Variants in PM20D2 observed in about 807,000 individuals in gnomAD.
PM20D2 encodes the protein xaa-Arg dipeptidase.
A neutral mutation model predicts 42.9 loss-of-function variants in PM20D2; 33 were observed. That is an observed-to-expected ratio of 0.77 (90% CI 0.58 to 1.03). PM20D2 has a LOEUF of 1.03. PM20D2 is among the 50% of genes least tolerant of loss of function. The pLI is 0.00. For synonymous variants in PM20D2, 250 were observed against 228.2 expected, an observed-to-expected ratio of 1.10 and a Z score of -0.86; for missense variants, 548 against 557.0, an observed-to-expected ratio of 0.98 and a Z score of 0.16.
the PM20D2 span, among the ~76,000 whole-genome samples, chr6:89,136,699 G>C: frequency 6.6e-6 from 1 of 151,000 alleles, no homozygotes; most frequent in East Asian, 1.9e-4. Context: ...TTTCTAACCA[G>C]ATACACTATA....
intron 1 of PM20D2, 85 bp downstream of exon 1, chr6:89,146,694 C>T: frequency 8.5e-7 from 1 of 1,169,630 alleles, no homozygotes; most frequent in Non-Finnish European, 1.1e-6. Flanking sequence ...GTGCGTCCCG[C>T]GCGCCTCGGT....
chr6:89,161,162 A>T (rs538074091), intron 5 of PM20D2, among the ~76,000 whole-genome samples: 1 of 152,302 alleles, frequency 6.6e-6, no homozygotes, highest in East Asian at 1.9e-4. Context: ...GTGGAGGTAG[A>T]AGAGAAAGAT....
chr6:89,099,538 G>GT, the PM20D2 span, among the ~76,000 whole-genome samples: 83,874 of 126,102 alleles, frequency 0.67, 28,308 homozygotes, highest in East Asian at 0.79. Flanking sequence ...ACACATACAT[G>GT]TTTTTTTTTT....
At chr6:89,094,405 A>T in the PM20D2 span, among the ~76,000 whole-genome samples, 1 of 151,770 alleles carries the variant, frequency 6.6e-6, no homozygotes, top group African/African-American at 2.4e-5. Flanking sequence ...TTTTAAGTAG[A>T]AACGGGATTT....
chr6:89,094,140 C>T, the PM20D2 span, among the ~76,000 whole-genome samples: 2 of 151,694 alleles, frequency 1.3e-5, no homozygotes, highest in Admixed American at 6.6e-5. Flanking sequence ...ATGCTGGTCT[C>T]GAACTCCTGA....
chr6:89,139,957 G>C, the PM20D2 span, among the ~76,000 whole-genome samples: 1 of 152,162 alleles, frequency 6.6e-6, no homozygotes, highest in South Asian at 2.1e-4. Flanking sequence ...CCTCAAGTCT[G>C]GCCTAAAGAT....
At chr6:89,110,264 A>G in the PM20D2 span, among the ~76,000 whole-genome samples, 1 of 152,236 alleles carries the variant, frequency 6.6e-6, no homozygotes, top group Non-Finnish European at 1.5e-5. Flanking sequence ...GAAAAAATGA[A>G]GCAATGAAAG....
At chr6:89,108,025 A>G in the PM20D2 span, among the ~76,000 whole-genome samples, 1 of 152,220 alleles carries the variant, frequency 6.6e-6, no homozygotes, top group Non-Finnish European at 1.5e-5. Flanking sequence ...GATTCTAAAG[A>G]AGTCCTAAAA....
chr6:89,128,884 A>G, the PM20D2 span, among the ~76,000 whole-genome samples: 1 of 152,206 alleles, frequency 6.6e-6, no homozygotes, highest in African/African-American at 2.4e-5. Flanking sequence ...AATGCTCAAT[A>G]TCTATATGTG....
At chr6:89,099,445 T>TATATGTGTGTATATATACACACAC in the PM20D2 span, among the ~76,000 whole-genome samples, 7 of 91,332 alleles carry the variant, frequency 7.7e-5, no homozygotes, top group African/African-American at 2.6e-4. Context: ...TATATACACA[T>TATATGTGTGTATATATACACACAC]ATATATGTGT....
the PM20D2 span, among the ~76,000 whole-genome samples, chr6:89,130,808 GGCT>G: frequency 1.0e-5 from 1 of 99,966 alleles, no homozygotes; most frequent in African/African-American, 4.0e-5. Flanking sequence ...TTTTGTATCT[GGCT>G]TCTTCTTCTT....
chr6:89,131,314 T>C, the PM20D2 span, among the ~76,000 whole-genome samples: 33 of 152,264 alleles, frequency 2.2e-4, no homozygotes, highest in African/African-American at 7.7e-4. Flanking sequence ...GGATTAGATA[T>C]CAGCATAAGT....
At chr6:89,134,105 C>G in the PM20D2 span, among the ~76,000 whole-genome samples, 1 of 151,234 alleles carries the variant, frequency 6.6e-6, no homozygotes, top group South Asian at 2.1e-4. Flanking sequence ...GTTGCAGCCT[C>G]GGCCCTGACT....
At chr6:89,130,829 T>C in the PM20D2 span, among the ~76,000 whole-genome samples, 7 of 131,904 alleles carry the variant, frequency 5.3e-5, no homozygotes, top group African/African-American at 1.7e-4. Context: ...CTTTTTTTTT[T>C]TTTTTTTTTT....
chr6:89,145,229 T>C (rs1770484013), upstream of PM20D2, among the ~76,000 whole-genome samples: 1 of 152,226 alleles, frequency 6.6e-6, no homozygotes, highest in Admixed American at 6.5e-5. Flanking sequence ...AACAAGAGCA[T>C]GACATCTTGA....
chr6:89,146,435 G>C lies in PM20D2; in HGVS notation c.291G>C (p.Arg97=). The change falls in exon 1 of 7, where the codon CGG becomes CGC. Residue 97 remains arginine, a synonymous_variant. Transcript: ENST00000275072. ...FRAEWEPPEA[R]APSATPRPLH... Reference sequence around the variant, plus strand: ...CCGAGTGGGAGCCGCCGGAGGCCCGGGCACCGAGCGCCACGCCACGCCCGC... The same window carrying C: ...CCGAGTGGGAGCCGCCGGAGGCCCGCGCACCGAGCGCCACGCCACGCCCGC... The C allele has an allele frequency of 6.6e-7, 1 of 1,523,974 alleles. No individual in the cohort carries two copies. The highest frequency in any genetic ancestry group is 1.2e-5 in the South Asian group (1 of 82,688). 94.4% of individuals were successfully genotyped at this position (1,523,974 alleles called of 1,614,324 possible).
At position 89,154,940 on chromosome 6, in the gene PM20D2, A is replaced by ATACATATACACATAT. The variant is rs768722666; in HGVS notation, c.912+38_912+39insTACATATACACATAT. On this transcript the variant is annotated intron_variant, in intron 4 of 6. Coordinates refer to ENST00000275072, the MANE Select transcript of PM20D2 (RefSeq NM_001010853.3). The stretch of plus-strand genomic sequence containing the variant: ...AAAAGTTAATCTAAGTTACAATCAG[A>ATACATATACACATAT]GGTATATATGTGGGCTAGCACTGTT... The ATACATATACACATAT allele has an allele frequency of 7.4e-4, 1,137 of 1,526,332 alleles. 27 individuals carry two copies. The East Asian group carries it at 0.025, about 33-fold the overall frequency. The allele number at this position is 1,526,332 out of a possible 1,614,324, so 94.5% of individuals were successfully genotyped here.
At chr6:89,130,066 AC>A in the PM20D2 span, among the ~76,000 whole-genome samples, 1 of 140,568 alleles carries the variant, frequency 7.1e-6, no homozygotes, top group African/African-American at 2.6e-5. Flanking sequence ...AAAAAAGTAT[AC>A]AACACTTTTT....
At chr6:89,142,546 T>C (rs986496895), upstream of PM20D2, among the ~76,000 whole-genome samples, 4 of 152,246 alleles carry the variant, frequency 2.6e-5, no homozygotes, top group Admixed American at 6.5e-5. Flanking sequence ...CTTTTGGAAA[T>C]ATCATATATT....
Sources: allele counts gnomAD v4.1 joint callset (sites outside exome capture counted in the v4.1 genomes callset), GRCh38; gene constraint gnomAD v4.1.1; transcripts MANE v1.5; gene names NCBI Gene and HGNC (gene_info 2026-07-23, HGNC 2026-07-21).